The following AGPAT4 variants were observed in gnomAD, a reference collection of about 807,000 sequenced individuals.
AGPAT4 encodes the protein 1-acyl-sn-glycerol-3-phosphate acyltransferase delta.
Under a neutral mutation model 48.0 loss-of-function variants are expected in AGPAT4, and 15 were observed. The ratio of observed to expected loss-of-function variants is 0.31; its 90% CI spans 0.21 to 0.48. AGPAT4 has a LOEUF of 0.48. AGPAT4 is among the 20% of genes least tolerant of loss of function. The pLI is 0.99. For missense variants in AGPAT4, 314 were observed against 482.5 expected (o/e 0.65, Z 3.27); for synonymous variants, 178 against 198.7 (o/e 0.90, Z 0.88).
intron 1 of AGPAT4, among the ~76,000 whole-genome samples, chr6:161,273,621 G>A (rs1009000602): frequency 1.3e-5 from 2 of 151,896 alleles, no homozygotes; most frequent in South Asian, 2.1e-4. Flanking sequence ...CTTTAGCCCC[G>A]GGAGGGGGCT....
intron 5 of AGPAT4, among the ~76,000 whole-genome samples, chr6:161,151,345 C>G (rs1779588265): frequency 6.6e-6 from 1 of 152,260 alleles, no homozygotes; most frequent in African/African-American, 2.4e-5. Flanking sequence ...GCGCCCGAGA[C>G]CGGTGTTGGC....
rs1355196777 is a variant in AGPAT4, at chr6:161,136,090, TTTAA to T, written c.*446_*449del. ...CACCACAGATGACCCAGAAAAGCAC[TTTAA>T]TTTTTTTTTCTTGGAGGCATAATTT... On this transcript the variant is annotated 3_prime_UTR_variant, in exon 9 of 9. Coordinates refer to ENST00000320285, the MANE Select transcript of AGPAT4 (RefSeq NM_020133.3). 5.8e-6 allele frequency: 1 copy of T among 171,330 alleles called. No homozygotes were observed. The highest frequency in any genetic ancestry group is 6.0e-5 in the Admixed American group (1 of 16,782). The allele number at this position is 171,330 out of a possible 1,614,324, so 10.6% of individuals were successfully genotyped here.
chr6:161,162,508 A>G (rs1486437218), intron 3 of AGPAT4, among the ~76,000 whole-genome samples: 1 of 152,080 alleles, frequency 6.6e-6, no homozygotes, highest in African/African-American at 2.4e-5. Flanking sequence ...CGGGCAGCAA[A>G]CCCGTGAGCA....
intron 1 of AGPAT4, among the ~76,000 whole-genome samples, chr6:161,241,819 G>A (rs9355877): frequency 2.0e-5 from 3 of 152,140 alleles, no homozygotes; most frequent in South Asian, 4.1e-4. Context: ...TGCAACCTCC[G>A]CCTCCTGGGT....
Position 161,229,342 on chromosome 6 carries a change from T to C in AGPAT4, c.178+2694A>G, listed in dbSNP as rs1782063635. ...CAATTAAAGCCATGAACAGTTTCTA[T>C]CTTAACTCAGAGGGAAGCAGAGGAG... On this transcript the variant is annotated intron_variant, in intron 2 of 8. Transcript: ENST00000320285. The surrounding 1 kb of genome is among the most constrained non-coding windows in gnomAD (Gnocchi z 6.0). Among the ~76,000 whole-genome samples, 1 of 152,138 alleles carries C rather than the reference T, an allele frequency of 6.6e-6. No individual in the cohort carries two copies. Among genetic ancestry groups the C allele is most frequent in the South Asian group, 2.1e-4 (1 of 4,830 alleles).
Position 161,264,684 on chromosome 6 carries a change from G to A in AGPAT4, c.-90+9254C>T, listed in dbSNP as rs538101325. Among the ~76,000 whole-genome samples, 16 of 152,268 alleles carry A rather than the reference G, an allele frequency of 1.1e-4. No individual in the cohort carries two copies. The highest frequency in any genetic ancestry group is 1.0e-3 in the South Asian group (5 of 4,828). On this transcript the variant is annotated intron_variant, in intron 1 of 8. Transcript: ENST00000320285. This position sits in a 1 kb window ranked among gnomAD's most constrained non-coding sequence, Gnocchi z 6.8. ...GTCGGCTCCCTCTTTGTATTCCTGC[G>A]GGCTGAATGCACGGGCTCCCTAAGA...
In AGPAT4 at chr6:161,264,365, ACTCCAGC is replaced by A. The variant is rs1783186409; in HGVS notation, c.-90+9566_-90+9572del. 6.6e-6 allele frequency among the ~76,000 whole-genome samples: 1 copy of A among 151,326 alleles called. No homozygotes were observed. The highest frequency in any genetic ancestry group is 2.1e-4 in the South Asian group (1 of 4,776). On this transcript the variant is annotated intron_variant, in intron 1 of 8. Coordinates refer to ENST00000320285, the MANE Select transcript of AGPAT4 (RefSeq NM_020133.3). This position sits in a 1 kb window ranked among gnomAD's most constrained non-coding sequence, Gnocchi z 6.8. ...CCTCATTCCTCTGTGGTCTAGGAAA[ACTCCAGC>A]CTCCTGCCCTGTCCCACCTCACCCA...
rs982963878 is a variant in AGPAT4 at position 161,149,895 on chromosome 6, T to C, written c.665-606A>G. On this transcript the variant is annotated intron_variant, in intron 5 of 8. Coordinates refer to ENST00000320285, the MANE Select transcript of AGPAT4 (RefSeq NM_020133.3). The surrounding 1 kb of genome is among the most constrained non-coding windows in gnomAD (Gnocchi z 6.5). ...GTCAGGTCTAGAGGTACTACGACGATGATTTGTAACTTTCTAATGTGCCCA... is the reference window on the plus strand; with the variant it reads ...GTCAGGTCTAGAGGTACTACGACGACGATTTGTAACTTTCTAATGTGCCCA... 6.6e-6 allele frequency among the ~76,000 whole-genome samples: 1 copy of C among 152,188 alleles called. No homozygotes were observed. The highest frequency in any genetic ancestry group is 2.4e-5 in the African/African-American group (1 of 41,450).
In AGPAT4 at chr6:161,232,798, G is replaced by C. The variant is rs2115036907; in HGVS notation, c.-89-496C>G. On this transcript the variant is annotated intron_variant, in intron 1 of 8. Transcript: ENST00000320285. This position sits in a 1 kb window ranked among gnomAD's most constrained non-coding sequence, Gnocchi z 6.8. ...CCCTGCTCACCCCTCGCTTCCAGCA[G>C]GACTGCCCTAAAGTCAAGCCTGCCC... Among the ~76,000 whole-genome samples the C allele has an allele frequency of 6.6e-6, 1 of 152,262 alleles. No individual in the cohort carries two copies. Among genetic ancestry groups the C allele is most frequent in the South Asian group, 2.1e-4 (1 of 4,822 alleles).
In AGPAT4 at chr6:161,136,408, G is replaced by A. The variant is rs1779067114; in HGVS notation, c.*132C>T. The A allele has an allele frequency of 5.6e-6, 4 of 716,396 alleles. No homozygotes were observed. Among genetic ancestry groups the A allele is most frequent in the Non-Finnish European group, 9.6e-6 (4 of 418,392 alleles). The allele number at this position is 716,396 out of a possible 1,614,324, so 44.4% of individuals were successfully genotyped here. On this transcript the variant is annotated 3_prime_UTR_variant, in exon 9 of 9. Coordinates refer to ENST00000320285, the MANE Select transcript of AGPAT4 (RefSeq NM_020133.3). ...TCCGGCCTTGAGACCAGACTCCCTG[G>A]CTGGAGAGGTCGTGACTTCCGCCGT...
At chr6:161,227,117 C>T (rs1281661654) in intron 2 of AGPAT4, among the ~76,000 whole-genome samples, 2 of 152,184 alleles carry the variant, frequency 1.3e-5, no homozygotes, top group African/African-American at 4.8e-5. Context: ...AAAAGTGAAT[C>T]AGTCTGCTAG....
rs12528706 is a variant in AGPAT4, at chr6:161,214,126, C to G, written c.178+17910G>C. Among the ~76,000 whole-genome samples, 18,344 of 152,202 alleles carry G rather than the reference C, an allele frequency of 0.12. 1,574 individuals carry two copies. Among genetic ancestry groups the G allele is most frequent in the East Asian group, 0.27 (1,397 of 5,168 alleles). ...AACTCAAAAGAATGCTACCATTTGT[C>G]TCTCACCTACCTGTGACCTGGAAGC... On this transcript the variant is annotated intron_variant, in intron 2 of 8. Coordinates refer to ENST00000320285, the MANE Select transcript of AGPAT4 (RefSeq NM_020133.3). This position sits in a 1 kb window ranked among gnomAD's most constrained non-coding sequence, Gnocchi z 5.4.
At chr6:161,157,917 G>GTGA (rs1779808325) in intron 3 of AGPAT4, among the ~76,000 whole-genome samples, 1 of 152,180 alleles carries the variant, frequency 6.6e-6, no homozygotes, top group South Asian at 2.1e-4. Flanking sequence ...TCCCCTCTGT[G>GTGA]TGATGAGGAA....
rs1234914022 is a variant in AGPAT4, at chr6:161,196,901, T to C, written c.179-30484A>G. ...TGGTCAAGAAAGTCACATCAGGACT[T>C]GCTCACTGACCAAACATTTGGGCAC... On this transcript the variant is annotated intron_variant, in intron 2 of 8. Transcript: ENST00000320285. The surrounding 1 kb of genome is among the most constrained non-coding windows in gnomAD (Gnocchi z 4.3). Among the ~76,000 whole-genome samples, 1 of 151,824 alleles carries C rather than the reference T, an allele frequency of 6.6e-6. No individual in the cohort carries two copies. The highest frequency in any genetic ancestry group is 1.9e-4 in the East Asian group (1 of 5,144).
chr6:161,190,834 G>A (rs769971195), intron 2 of AGPAT4, among the ~76,000 whole-genome samples: 22 of 152,178 alleles, frequency 1.4e-4, no homozygotes, highest in Non-Finnish European at 2.6e-4. Context: ...TCAATTTTGT[G>A]GTTCTTGGGT....
rs1210344743 is a variant in AGPAT4, at chr6:161,216,869, G to A, written c.178+15167C>T. On this transcript the variant is annotated intron_variant, in intron 2 of 8. Coordinates refer to ENST00000320285, the MANE Select transcript of AGPAT4 (RefSeq NM_020133.3). This position sits in a 1 kb window ranked among gnomAD's most constrained non-coding sequence, Gnocchi z 4.8. ...TCCTCTTAGGTCCCTCCCACAATAC[G>A]TGGGAATTCTGGGAGATACAATTCA... Among the ~76,000 whole-genome samples, 2 of 152,056 alleles carry A rather than the reference G, an allele frequency of 1.3e-5. No homozygotes were observed. The highest frequency in any genetic ancestry group is 2.9e-5 in the Non-Finnish European group (2 of 68,038).
At chr6:161,152,713 T>C (rs972654971) in intron 5 of AGPAT4, among the ~76,000 whole-genome samples, 1 of 152,128 alleles carries the variant, frequency 6.6e-6, no homozygotes, top group African/African-American at 2.4e-5. Context: ...TCGCCTGAAG[T>C]GCTTTGCCTG....
intron 2 of AGPAT4, among the ~76,000 whole-genome samples, chr6:161,175,382 T>C (rs1481947811): frequency 6.6e-6 from 1 of 152,046 alleles, no homozygotes; most frequent in Non-Finnish European, 1.5e-5. Flanking sequence ...CTTGGGAAGG[T>C]GTATGTGTCC....
chr6:161,154,245 G>A lies in AGPAT4; in HGVS notation c.414C>T (p.Phe138=), dbSNP rs772367098. Residue 138 remains phenylalanine (F), a synonymous_variant, in exon 4 of 9, where the codon TTC becomes TTT. Transcript: ENST00000320285. The surrounding 1 kb of genome is among the most constrained non-coding windows in gnomAD (Gnocchi z 7.8). ...TGCGCGAACAGAAGACCATCTCGGTGAAGTACCACATCCAGCCGATAATTG... is the reference window on the plus strand; with the variant it reads ...TGCGCGAACAGAAGACCATCTCGGTAAAGTACCACATCCAGCCGATAATTG... ...YVPIIGWMWY[F]TEMVFCSRKW... 1.1e-5 allele frequency: 17 copies of A among 1,614,042 alleles called. No homozygotes were observed. The African/African-American group carries it at 2.1e-4, about 20-fold the overall frequency.
Sources: gnomAD v4.1 joint callset for allele counts (sites outside exome capture counted in the v4.1 genomes callset) on GRCh38, gnomAD v4.1.1 for gene constraint, Gnocchi (gnomAD v3.1) non-coding constraint, MANE v1.5 for transcripts, NCBI Gene and HGNC (gene_info 2026-07-23, HGNC 2026-07-21) for gene names.